Variants in DST observed in about 807,000 individuals in gnomAD.
The protein encoded by DST is bullous pemphigoid antigen.
A neutral mutation model predicts 875.2 loss-of-function variants in DST; 253 were observed. The observed-to-expected ratio is 0.29, with a 90% CI of 0.26 to 0.32. DST has a LOEUF of 0.32. Ranked by LOEUF, DST falls within the 10% of genes least tolerant of loss-of-function variation. DST has a pLI of 1.00. For missense variants in DST, 8,287 were observed against 9,111.6 expected (o/e 0.91, Z 3.68); for synonymous variants, 3,124 against 3,197.1 (o/e 0.98, Z 0.77).
At chr6:56,515,092 T>C (rs1389817388) in intron 72 of DST, among the ~76,000 whole-genome samples, 1 of 152,244 alleles carries the variant, frequency 6.6e-6, no homozygotes, top group Non-Finnish European at 1.5e-5. Flanking sequence ...CCACTCTGCA[T>C]TTACATTCTA....
At chr6:56,632,075 T>C (rs1167315310) in intron 28 of DST, 35 bp from the exon 29 acceptor site, 1 of 1,545,194 alleles carries the variant, frequency 6.5e-7, no homozygotes, top group Non-Finnish European at 8.9e-7. Context: ...AATACCTTGT[T>C]TTCTATCTCT....
intron 63 of DST, 124 bp downstream of exon 63, chr6:56,534,998 T>A: frequency 9.2e-7 from 1 of 1,084,038 alleles, no homozygotes; most frequent in Non-Finnish European, 1.3e-6. Flanking sequence ...AACAAAATAA[T>A]GTCTACAGCA....
intron 72 of DST, among the ~76,000 whole-genome samples, chr6:56,513,663 C>T (rs986300948): frequency 6.6e-6 from 1 of 152,120 alleles, no homozygotes; most frequent in Non-Finnish European, 1.5e-5. Flanking sequence ...TGTGCCTGGC[C>T]GAGGAGCCTT....
intron 2 of DST, among the ~76,000 whole-genome samples, chr6:56,948,936 A>C (rs1821003952): frequency 6.6e-6 from 1 of 152,234 alleles, no homozygotes; most frequent in Non-Finnish European, 1.5e-5. Flanking sequence ...GATCATTCTC[A>C]CATTACCAGT....
intron 4 of DST, among the ~76,000 whole-genome samples, chr6:56,788,520 CA>C (rs2099709735): frequency 6.6e-6 from 1 of 152,010 alleles, no homozygotes; most frequent in African/African-American, 2.4e-5. Flanking sequence ...CTCTGAACAT[CA>C]AAAGCTTATA....
At chr6:56,698,370 G>A (rs1326352726) in intron 9 of DST, among the ~76,000 whole-genome samples, 1 of 151,328 alleles carries the variant, frequency 6.6e-6, no homozygotes, top group Non-Finnish European at 1.5e-5. Flanking sequence ...CTGTTGCCCA[G>A]GCTGGAGTGC....
intron 36 of DST, chr6:56,619,910 T>C (rs745359757): frequency 3.1e-6 from 5 of 1,614,088 alleles, no homozygotes; most frequent in African/African-American, 1.3e-5. Flanking sequence ...AGCCTTTCTA[T>C]TGGCAGCTGT....
At chr6:56,885,010 G>C (rs144978518) in intron 3 of DST, among the ~76,000 whole-genome samples, 1 of 144,588 alleles carries the variant, frequency 6.9e-6, no homozygotes, top group East Asian at 1.9e-4. Context: ...GATTACAGGC[G>C]TGAGCTGTGA....
Position 56,547,655 on chromosome 6 carries a change from A to G in DST, c.16608+4529T>C, listed in dbSNP as rs190140534. Among the ~76,000 whole-genome samples, 24 of 152,318 alleles carry G rather than the reference A, an allele frequency of 1.6e-4. No homozygotes were observed. In the East Asian group the frequency reaches 3.7e-3, roughly 23 times the overall value. ...AAAGTACTATTAAAGCAGTTTTTGG[A>G]CAGTTTGATTTTCAATATGGTGACA... is the stretch of plus-strand genomic sequence containing the variant. On this transcript the variant is annotated intron_variant, in intron 61 of 103. Transcript: ENST00000680361.
intron 4 of DST, among the ~76,000 whole-genome samples, chr6:56,820,435 A>G (rs554670178): frequency 6.6e-6 from 1 of 152,336 alleles, no homozygotes; most frequent in South Asian, 2.1e-4. Flanking sequence ...GCCTTCAATT[A>G]AATAAATTAC....
intron 37 of DST, among the ~76,000 whole-genome samples, chr6:56,613,754 C>A (rs1051447041): frequency 6.6e-6 from 1 of 152,142 alleles, no homozygotes; most frequent in African/African-American, 2.4e-5. Context: ...TGCGGCCATC[C>A]AACTAATCCT....
At chr6:56,806,830 C>G (rs145759964) in intron 4 of DST, among the ~76,000 whole-genome samples, 7 of 152,250 alleles carry the variant, frequency 4.6e-5, no homozygotes, top group Admixed American at 6.5e-5. Flanking sequence ...CATATTATCC[C>G]TATTTTATAG....
chr6:56,542,672 G>A (rs2097151418), intron 61 of DST: 1 of 152,790 alleles, frequency 6.5e-6, no homozygotes, highest in Admixed American at 6.5e-5. Context: ...AGAGACGGTG[G>A]CGGTGGAGGC....
chr6:56,527,935 T>C (rs1374612484), intron 67 of DST, among the ~76,000 whole-genome samples: 1 of 152,200 alleles, frequency 6.6e-6, no homozygotes, highest in African/African-American at 2.4e-5. Context: ...ACTCTGAAAA[T>C]ACAAATGTAG....
At chr6:56,529,853 G>T in intron 65 of DST, 79 bp from the exon 66 acceptor site, 1 of 1,448,252 alleles carries the variant, frequency 6.9e-7, no homozygotes, top group Non-Finnish European at 9.2e-7. Context: ...TAAAACTAAA[G>T]CATGACATGT....
intron 2 of DST, among the ~76,000 whole-genome samples, chr6:56,920,405 A>T (rs139199751): frequency 8.5e-5 from 13 of 152,298 alleles, no homozygotes; most frequent in East Asian, 7.7e-4. Flanking sequence ...ATAGAGTCAC[A>T]CACATCTGCA....
chr6:56,479,082 A>G lies in DST; in HGVS notation c.21532-1594T>C, dbSNP rs182209439. 9.8e-5 allele frequency among the ~76,000 whole-genome samples: 15 copies of G among 152,344 alleles called. No individual in the cohort carries two copies. In the East Asian group the frequency reaches 2.9e-3, roughly 29 times the overall value. On this transcript the variant is annotated intron_variant, in intron 90 of 103. Coordinates refer to ENST00000680361, the MANE Select transcript of DST (RefSeq NM_001374736.1). ...TCAAACAACTCAACAAGAAAACAAC[A>G]AACAACTCCATTGAAAACTGGGAAA... is the stretch of plus-strand genomic sequence containing the variant.
intron 9 of DST, among the ~76,000 whole-genome samples, chr6:56,687,996 G>A (rs148674048): frequency 1.0e-3 from 154 of 152,286 alleles, no homozygotes; most frequent in African/African-American, 3.6e-3. Flanking sequence ...TATACAAACA[G>A]AGGGGAAAGG....
Position 56,560,458 on chromosome 6 carries a change from C to T in DST, c.14311-35G>A, listed in dbSNP as rs2097520314. 2.6e-6 allele frequency: 4 copies of T among 1,547,974 alleles called. No homozygotes were observed. In the South Asian group the frequency reaches 3.6e-5, roughly 14 times the overall value. Reference sequence around the variant, plus strand: ...GAAAAATAATAATAAATCATGTGTACAGCAAAAGACAAAAATACAATAATG... The same window carrying T: ...GAAAAATAATAATAAATCATGTGTATAGCAAAAGACAAAAATACAATAATG... On this transcript the variant is annotated intron_variant, in intron 57 of 103. Coordinates refer to ENST00000680361, the MANE Select transcript of DST (RefSeq NM_001374736.1).
Sources: gnomAD v4.1 joint callset for allele counts (sites outside exome capture counted in the v4.1 genomes callset) on GRCh38, gnomAD v4.1.1 for gene constraint, MANE v1.5 for transcripts, NCBI Gene and HGNC (gene_info 2026-07-23, HGNC 2026-07-21) for gene names.